Variants in GALNT17 observed in about 807,000 individuals in gnomAD.
The protein encoded by GALNT17 is polypeptide N-acetylgalactosaminyltransferase 17, also known as UDP-GalNAc:polypeptide N-acetylgalactosaminyltransferase-like 3.
Under a neutral mutation model 63.7 loss-of-function variants are expected in GALNT17, and 29 were observed. The observed-to-expected ratio is 0.46, with a 90% confidence interval of 0.34 to 0.62. The LOEUF (loss-of-function observed/expected upper bound fraction) is 0.62. Among genes scored for constraint, GALNT17 ranks in the 20% least tolerant of loss-of-function variants. The pLI is 0.01. For missense variants in GALNT17, 603 were observed against 799.6 expected, an observed-to-expected ratio of 0.75 and a Z score of 2.97; for synonymous variants, 305 against 318.3, an observed-to-expected ratio of 0.96 and a Z score of 0.45.
intron 1 of GALNT17, among the ~76,000 whole-genome samples, chr7:71,143,544 G>C (rs1787957259): frequency 6.6e-6 from 1 of 152,178 alleles, no homozygotes; most frequent in South Asian, 2.1e-4. Flanking sequence ...AAGTGAGGAG[G>C]TGTGGGAGCT....
At chr7:71,422,099 A>G (rs2097881) in intron 5 of GALNT17, among the ~76,000 whole-genome samples, 118,475 of 152,090 alleles carry the variant, frequency 0.78, 46,449 homozygotes, top group African/African-American at 0.85. Context: ...GAGGTCGGAA[A>G]TTTGCAATGA....
chr7:71,488,830 C>A (rs898812181), intron 5 of GALNT17, among the ~76,000 whole-genome samples: 1 of 149,612 alleles, frequency 6.7e-6, no homozygotes, highest in Non-Finnish European at 1.5e-5. Context: ...GATCCACCTG[C>A]CTCAACCTCC....
intron 1 of GALNT17, among the ~76,000 whole-genome samples, chr7:71,167,843 C>T (rs909149943): frequency 1.3e-5 from 2 of 152,112 alleles, no homozygotes; most frequent in African/African-American, 4.8e-5. Context: ...GCGTGCGCCA[C>T]GATGCTCAGC....
chr7:71,229,303 G>C (rs1034480579), intron 1 of GALNT17, among the ~76,000 whole-genome samples: 2 of 152,326 alleles, frequency 1.3e-5, no homozygotes, highest in Admixed American at 1.3e-4. Context: ...GGCTGTCAAC[G>C]GACCCAGGAT....
At chr7:71,422,327 A>T (rs1334654540) in intron 5 of GALNT17, among the ~76,000 whole-genome samples, 1 of 152,148 alleles carries the variant, frequency 6.6e-6, no homozygotes, top group Non-Finnish European at 1.5e-5. Context: ...CCCACTTATA[A>T]AGGCTTTTGT....
chr7:71,535,965 G>A (rs558010846), intron 5 of GALNT17, among the ~76,000 whole-genome samples: 21 of 152,166 alleles, frequency 1.4e-4, no homozygotes, highest in Admixed American at 7.2e-4. Flanking sequence ...ACACTGGAGC[G>A]GTGTCTATAT....
At chr7:71,218,820 G>A (rs10233052) in intron 1 of GALNT17, among the ~76,000 whole-genome samples, 6,331 of 151,920 alleles carry the variant, frequency 0.042, 438 homozygotes, top group African/African-American at 0.14. Flanking sequence ...ATCTGTCACC[G>A]TCTCCCATCA....
chr7:71,148,860 TTATATA>T lies in GALNT17; in HGVS notation c.238+15848_238+15853del, dbSNP rs59163644. Among the ~76,000 whole-genome samples, 349 of 103,250 alleles carry T rather than the reference TTATATA, an allele frequency of 3.4e-3. 8 individuals are homozygous for T. The highest frequency in any genetic ancestry group is 9.5e-3 in the African/African-American group (241 of 25,466). The allele number at this position is 103,250 out of a possible 152,430, so 67.7% of individuals were successfully genotyped here. A position where few individuals can be genotyped will look rare whatever the true frequency, so the allele number is the denominator to read the frequency against. ...GAAATACAGTAGTATTATGGTATTT[TTATATA>T]TATATATATATATATATATATATAT... On this transcript the variant is annotated intron_variant, in intron 1 of 10. Coordinates refer to ENST00000333538, the MANE Select transcript of GALNT17 (RefSeq NM_022479.3).
At chr7:71,552,775 T>C (rs896632501) in intron 5 of GALNT17, among the ~76,000 whole-genome samples, 4 of 152,112 alleles carry the variant, frequency 2.6e-5, no homozygotes, top group Non-Finnish European at 4.4e-5. Context: ...ACTTTTTGTA[T>C]TTTAGCCAAA....
At chr7:71,669,836 CAG>C in intron 7 of GALNT17, 134 bp from the exon 8 acceptor site, 1 of 1,083,106 alleles carries the variant, frequency 9.2e-7, no homozygotes, top group Non-Finnish European at 1.3e-6. Flanking sequence ...GCTGGGATTA[CAG>C]GCATGAGCCA....
intron 5 of GALNT17, among the ~76,000 whole-genome samples, chr7:71,454,329 T>A (rs185099252): frequency 1.3e-5 from 2 of 152,190 alleles, no homozygotes; most frequent in South Asian, 2.1e-4. Flanking sequence ...TGGTATTTGG[T>A]TTTCTGTTCC....
chr7:71,277,121 A>C (rs1179273098), intron 1 of GALNT17, among the ~76,000 whole-genome samples: 1 of 152,244 alleles, frequency 6.6e-6, no homozygotes, highest in Non-Finnish European at 1.5e-5. Context: ...TGGATAAAGA[A>C]AGTATGTTAT....
rs2116126446 is a variant in GALNT17, at chr7:71,132,696, C to T, written c.-107C>T. On this transcript the variant is annotated 5_prime_UTR_variant, in exon 1 of 11. Transcript: ENST00000333538. The stretch of plus-strand genomic sequence containing the variant: ...GGTGGGACGAGCAGGGGCTTGGATC[C>T]CTGCCGGCCGTCTGGTGTGTGAGGC... The T allele has an allele frequency of 4.2e-6, 4 of 941,574 alleles. No homozygotes were observed. Among genetic ancestry groups the T allele is most frequent in the Admixed American group, 2.9e-5 (1 of 34,310 alleles). 58.3% of individuals were successfully genotyped at this position (941,574 alleles called of 1,614,324 possible). A position where few individuals can be genotyped will look rare whatever the true frequency, so the allele number is the denominator to read the frequency against.
chr7:71,414,507 A>G (rs757416307), intron 3 of GALNT17, among the ~76,000 whole-genome samples: 1 of 152,142 alleles, frequency 6.6e-6, no homozygotes, highest in Non-Finnish European at 1.5e-5. Flanking sequence ...TGAGAAGGCC[A>G]GTGGTAATGA....
chr7:71,505,418 G>A (rs1349725506), intron 5 of GALNT17, among the ~76,000 whole-genome samples: 1 of 152,064 alleles, frequency 6.6e-6, no homozygotes, highest in Non-Finnish European at 1.5e-5. Flanking sequence ...GAGCAACATA[G>A]TGAGACCCCA....
intron 1 of GALNT17, among the ~76,000 whole-genome samples, chr7:71,159,545 A>G (rs1015132084): frequency 6.6e-6 from 1 of 150,744 alleles, no homozygotes; most frequent in Non-Finnish European, 1.5e-5. Flanking sequence ...GTAATTTAAT[A>G]TAATTATGCA....
chr7:71,272,778 A>G (rs55709743), intron 1 of GALNT17, among the ~76,000 whole-genome samples: 67,894 of 152,022 alleles, frequency 0.45, 17,063 homozygotes, highest in Non-Finnish European at 0.54. Context: ...GACCAATATG[A>G]CATGAGGAGG....
chr7:71,270,657 T>A (rs1377557160), intron 1 of GALNT17, among the ~76,000 whole-genome samples: 1 of 151,714 alleles, frequency 6.6e-6, no homozygotes, highest in Non-Finnish European at 1.5e-5. Context: ...TTTTATAAAA[T>A]GCATTCCAAA....
At chr7:71,641,052 G>A (rs566316174) in intron 6 of GALNT17, among the ~76,000 whole-genome samples, 1 of 152,252 alleles carries the variant, frequency 6.6e-6, no homozygotes, top group Admixed American at 6.5e-5. Flanking sequence ...TATAGACATG[G>A]ATGTTTATCA....
Sources: allele counts gnomAD v4.1 joint callset (sites outside exome capture counted in the v4.1 genomes callset), GRCh38; gene constraint gnomAD v4.1.1; transcripts MANE v1.5; gene names NCBI Gene and HGNC (gene_info 2026-07-23, HGNC 2026-07-21).